The following SPIRE1 variants were observed in gnomAD, a reference collection of about 807,000 sequenced individuals.
SPIRE1 encodes protein spire homolog 1.
Under a neutral mutation model 94.1 loss-of-function variants are expected in SPIRE1, and 40 were observed. That is an observed-to-expected ratio of 0.43 (90% CI 0.33 to 0.55). The LOEUF is 0.55. Among genes scored for constraint, SPIRE1 ranks in the 20% least tolerant of loss-of-function variants. The pLI is 0.06. For missense variants in SPIRE1, 838 were observed against 975.2 expected (o/e 0.86, Z 1.87); for synonymous variants, 376 against 371.7 (o/e 1.01, Z -0.13).
intron 2 of SPIRE1, among the ~76,000 whole-genome samples, chr18:12,577,275 G>A (rs142398358): frequency 0.037 from 5,651 of 152,102 alleles, 139 homozygotes; most frequent in Non-Finnish European, 0.059. Context: ...AGCCTCCCCA[G>A]TAGCTGGGAC....
chr18:12,517,874 T>C (rs1478568836), intron 4 of SPIRE1, among the ~76,000 whole-genome samples: 1 of 152,242 alleles, frequency 6.6e-6, no homozygotes, highest in South Asian at 2.1e-4. Context: ...TAATAATGTA[T>C]TTTTTATGAC....
chr18:12,549,436 G>GTTTTTTTTT lies in SPIRE1; in HGVS notation c.373-2533_373-2532insAAAAAAAAA, dbSNP rs1345452411. On this transcript the variant is annotated intron_variant, in intron 2 of 16. Coordinates refer to ENST00000409402, the MANE Select transcript of SPIRE1 (RefSeq NM_001128626.2). ...TTGCTTTTTGTTTGTTTTTGTTATT[G>GTTTTTTTTT]TTGTTTTTTTTTTTTTTTTTTTTTT... 4.6e-4 allele frequency among the ~76,000 whole-genome samples: 24 copies of GTTTTTTTTT among 51,916 alleles called. 2 individuals carry two copies. The highest frequency in any genetic ancestry group is 7.8e-4 in the Non-Finnish European group (21 of 26,824). The allele number at this position is 51,916 out of a possible 152,430, so 34.1% of individuals were successfully genotyped here.
At chr18:12,580,794 A>C (rs1164941089) in intron 2 of SPIRE1, among the ~76,000 whole-genome samples, 2 of 152,176 alleles carry the variant, frequency 1.3e-5, no homozygotes, top group African/African-American at 4.8e-5. Context: ...TCACGCCTGT[A>C]ATTCCAACAC....
chr18:12,648,015 GCGGGAA>G (rs1370416601), intron 1 of SPIRE1, among the ~76,000 whole-genome samples: 43 of 152,260 alleles, frequency 2.8e-4, no homozygotes, highest in African/African-American at 1.0e-3. Flanking sequence ...AATGGCCACA[GCGGGAA>G]CAATCTGAGC....
chr18:12,656,539 A>C (rs1238244618), intron 1 of SPIRE1: 1 of 171,030 alleles, frequency 5.8e-6, no homozygotes, highest in African/African-American at 2.4e-5. Context: ...GTTTTCATTA[A>C]ATGTCATTTT....
At chr18:12,603,103 G>C (rs1176612661) in intron 2 of SPIRE1, among the ~76,000 whole-genome samples, 1 of 152,146 alleles carries the variant, frequency 6.6e-6, no homozygotes, top group Non-Finnish European at 1.5e-5. Flanking sequence ...ACTTAAGTTA[G>C]CCCATGGTTG....
chr18:12,627,494 A>C (rs2037666069), intron 2 of SPIRE1, among the ~76,000 whole-genome samples: 1 of 152,118 alleles, frequency 6.6e-6, no homozygotes, highest in African/African-American at 2.4e-5. Flanking sequence ...CAAGCCTGCT[A>C]TTGTGAATAG....
chr18:12,544,748 C>G (rs1217400220), intron 3 of SPIRE1, among the ~76,000 whole-genome samples: 1 of 152,158 alleles, frequency 6.6e-6, no homozygotes, highest in African/African-American at 2.4e-5. Context: ...TAAAAGGTAT[C>G]CATTCAAACT....
intron 2 of SPIRE1, among the ~76,000 whole-genome samples, chr18:12,564,649 C>T (rs964051039): frequency 4.3e-4 from 65 of 152,118 alleles, no homozygotes; most frequent in African/African-American, 1.3e-3. Flanking sequence ...TACAGGTATT[C>T]GTGGCTTCCA....
At chr18:12,500,944 T>C (rs530986549) in intron 6 of SPIRE1, among the ~76,000 whole-genome samples, 32 of 151,722 alleles carry the variant, frequency 2.1e-4, no homozygotes, top group African/African-American at 5.1e-4. Context: ...TGGTGGTGCA[T>C]GCCTGTAAAC....
chr18:12,539,681 C>T (rs2034956582), intron 3 of SPIRE1, among the ~76,000 whole-genome samples: 1 of 151,810 alleles, frequency 6.6e-6, no homozygotes, highest in African/African-American at 2.4e-5. Context: ...GTAATCTCAG[C>T]ACTTTGGGAG....
At chr18:12,460,139 A>G (rs1240321652) in intron 12 of SPIRE1, among the ~76,000 whole-genome samples, 1 of 152,244 alleles carries the variant, frequency 6.6e-6, no homozygotes. Flanking sequence ...GGAGAATCTC[A>G]GCGTTCACAC....
chr18:12,552,423 A>G lies in SPIRE1; in HGVS notation c.373-5519T>C, dbSNP rs1488852328. On this transcript the variant is annotated intron_variant, in intron 2 of 16. Coordinates refer to ENST00000409402, the MANE Select transcript of SPIRE1 (RefSeq NM_001128626.2). ...AAGAGAGGAGAGGGAAAAGAGGACT[A>G]TATCTTGCATATTGGATACCAGCTT... Among the ~76,000 whole-genome samples, 4 of 152,304 alleles carry G rather than the reference A, an allele frequency of 2.6e-5. No individual in the cohort carries two copies. In the East Asian group the frequency reaches 5.8e-4, roughly 22 times the overall value.
chr18:12,467,237 C>T (rs1346926123), intron 10 of SPIRE1, among the ~76,000 whole-genome samples: 1 of 152,100 alleles, frequency 6.6e-6, no homozygotes, highest in Non-Finnish European at 1.5e-5. Context: ...AGGATCGTGC[C>T]ACTGCACTCC....
intron 4 of SPIRE1, among the ~76,000 whole-genome samples, chr18:12,534,684 A>G (rs1269969016): frequency 6.6e-6 from 1 of 152,146 alleles, no homozygotes; most frequent in Non-Finnish European, 1.5e-5. Context: ...CTGGAATAAC[A>G]GGGTCTCCAG....
intron 9 of SPIRE1, among the ~76,000 whole-genome samples, chr18:12,484,075 A>G (rs969785296): frequency 2.6e-5 from 4 of 152,208 alleles, no homozygotes; most frequent in African/African-American, 9.6e-5. Flanking sequence ...CTGCAAGAAC[A>G]CAGAACACAC....
At chr18:12,606,635 A>T (rs958460615) in intron 2 of SPIRE1, among the ~76,000 whole-genome samples, 3 of 151,456 alleles carry the variant, frequency 2.0e-5, no homozygotes, top group African/African-American at 7.3e-5. Flanking sequence ...GGTTCAAGTG[A>T]TTCTTCTGCC....
intron 1 of SPIRE1, among the ~76,000 whole-genome samples, chr18:12,645,329 A>G (rs2038195586): frequency 6.6e-6 from 1 of 152,132 alleles, no homozygotes; most frequent in South Asian, 2.1e-4. Flanking sequence ...TCCACAGGAA[A>G]AAATATTTTC....
chr18:12,466,280 T>C (rs2032095965), intron 10 of SPIRE1, among the ~76,000 whole-genome samples: 1 of 152,038 alleles, frequency 6.6e-6, no homozygotes, highest in African/African-American at 2.4e-5. Context: ...TATCTATAGA[T>C]ATATATATAT....
Sources: allele counts gnomAD v4.1 joint callset (sites outside exome capture counted in the v4.1 genomes callset), GRCh38; gene constraint gnomAD v4.1.1; transcripts MANE v1.5; gene names NCBI Gene and HGNC (gene_info 2026-07-23, HGNC 2026-07-21).